The following MTFMT variants were observed in gnomAD, a reference collection of about 807,000 sequenced individuals.
MTFMT encodes mitochondrial methionyl-tRNA formyltransferase.
MTFMT carries 47 observed loss-of-function variants against 51.8 expected under a neutral mutation model. The observed-to-expected ratio is 0.91, with a 90% confidence interval of 0.72 to 1.16. The LOEUF (loss-of-function observed/expected upper bound fraction) is 1.16. Ranked by LOEUF, MTFMT falls within the 50% of genes most tolerant of loss-of-function variation. The probability of loss-of-function intolerance (pLI) is 0.00; values close to 1 mark genes in which losing one functional copy is unlikely to be tolerated. For missense variants in MTFMT, 512 were observed against 482.3 expected (o/e 1.06, Z -0.58); for synonymous variants, 196 against 176.7 (o/e 1.11, Z -0.87).
intron 6 of MTFMT, among the ~76,000 whole-genome samples, chr15:65,014,575 C>T (rs1341139488): frequency 6.6e-6 from 1 of 151,486 alleles, no homozygotes; most frequent in African/African-American, 2.4e-5. Flanking sequence ...ATCCGCCCGC[C>T]TCGGCCTCCC....
At chr15:65,003,845 CAAA>C (rs768884218) in intron 8 of MTFMT, among the ~76,000 whole-genome samples, 17 of 40,630 alleles carry the variant, frequency 4.2e-4, no homozygotes, top group Admixed American at 1.6e-3. Flanking sequence ...AACTCCATCT[CAAA>C]AAAAAAAAAA....
At position 65,003,101 on chromosome 15, in the gene MTFMT, C is replaced by T. The variant is rs1162206473; in HGVS notation, c.1131G>A (p.Lys377=). ...FQTLRLPTKK[K]QKKTVAMQQC... is the part of the protein sequence containing the mutation. ...GTTGCATAGCAACAGTTTTTTTCTG[C>T]TTCTTCTTTGTTGGAAGTCTGAGAG... Residue 377 remains lysine, a synonymous_variant, in exon 9 of 9, where the codon AAG becomes AAA. Transcript: ENST00000220058. The T allele has an allele frequency of 1.9e-6, 3 of 1,605,982 alleles. No individual in the cohort carries two copies. The highest frequency in any genetic ancestry group is 3.4e-5 in the Admixed American group (2 of 58,830).
chr15:65,015,056 T>G (rs568043898), intron 6 of MTFMT, among the ~76,000 whole-genome samples: 1 of 152,066 alleles, frequency 6.6e-6, no homozygotes, highest in South Asian at 2.1e-4. Flanking sequence ...AATGAATGAA[T>G]GAATAATAGC....
intron 8 of MTFMT, 51 bp downstream of exon 8, chr15:65,004,803 C>T: frequency 7.9e-7 from 1 of 1,270,464 alleles, no homozygotes. Flanking sequence ...ATGATACAGA[C>T]TATAACATAG....
intron 1 of MTFMT, 58 bp downstream of exon 1, chr15:65,029,347 C>T (rs997536688): frequency 5.9e-6 from 8 of 1,350,776 alleles, no homozygotes; most frequent in Middle Eastern, 2.7e-4. Context: ...GGGCCGGCCG[C>T]CCGGGCGCGG....
chr15:65,025,212 T>C (rs1595893017), intron 2 of MTFMT, among the ~76,000 whole-genome samples: 1 of 127,736 alleles, frequency 7.8e-6, no homozygotes, highest in Non-Finnish European at 1.6e-5. Flanking sequence ...TTGGGCCACA[T>C]AGCGAGATCC....
intron 6 of MTFMT, among the ~76,000 whole-genome samples, chr15:65,013,505 G>GT (rs1314442864): frequency 1.3e-5 from 2 of 151,906 alleles, no homozygotes; most frequent in African/African-American, 2.4e-5. Flanking sequence ...GTTTATTGAG[G>GT]TTTTTTTACA....
chr15:65,014,437 C>T (rs1463048020), intron 6 of MTFMT, among the ~76,000 whole-genome samples: 1 of 150,626 alleles, frequency 6.6e-6, no homozygotes, highest in Non-Finnish European at 1.5e-5. Context: ...AATTCTCCTG[C>T]CTCAGCCTCC....
intron 7 of MTFMT, among the ~76,000 whole-genome samples, chr15:65,005,419 G>C (rs559435472): frequency 3.9e-5 from 6 of 152,110 alleles, no homozygotes; most frequent in Admixed American, 2.6e-4. Context: ...GAATGGACTT[G>C]TGGCATGAAG....
intron 2 of MTFMT, 120 bp downstream of exon 2, chr15:65,026,710 TA>T: frequency 1.2e-6 from 1 of 842,268 alleles, no homozygotes; most frequent in Non-Finnish European, 1.8e-6. Flanking sequence ...AATAAAATGG[TA>T]AAAATAAAAA....
At chr15:65,005,780 T>C (rs2086215648) in intron 7 of MTFMT, among the ~76,000 whole-genome samples, 1 of 152,122 alleles carries the variant, frequency 6.6e-6, no homozygotes, top group South Asian at 2.1e-4. Flanking sequence ...AGCTAAATTT[T>C]TGTATTTAGT....
chr15:65,027,063 T>C (rs762752694), intron 1 of MTFMT, 23 bp from the exon 2 acceptor site: 2 of 1,578,046 alleles, frequency 1.3e-6, no homozygotes, highest in Non-Finnish European at 1.7e-6. Context: ...GGAAGAAAAA[T>C]GTGACAGTGT....
In MTFMT at chr15:65,026,996, G is replaced by A. The variant is rs1369482216; in HGVS notation, c.254C>T (p.Thr85Ile). The A allele has an allele frequency of 1.2e-6, 2 of 1,613,970 alleles. No homozygotes were observed. The highest frequency in any genetic ancestry group is 2.2e-5 in the South Asian group (2 of 91,078). ...EELIDKLEVV[T>I]MPSPSPKGLP... ...TCCTTTTGGTGATGGGGAAGGCATT[G>A]TGACCACCTCCAGTTTGTCGATTAA... Residue 85 changes from threonine (T) to isoleucine (I), a missense_variant, in exon 2 of 9, where the codon ACA becomes ATA. Coordinates refer to ENST00000220058, the MANE Select transcript of MTFMT (RefSeq NM_139242.4).
chr15:65,016,252 C>T (rs2086321296), intron 6 of MTFMT, 184 bp downstream of exon 6: 2 of 464,222 alleles, frequency 4.3e-6, no homozygotes, highest in Non-Finnish European at 7.8e-6. Flanking sequence ...TCTCTATAAA[C>T]ACTTTAAACA....
At position 65,007,577 on chromosome 15, in the gene MTFMT, G is replaced by T. The variant is rs543375261; in HGVS notation, c.814-1386C>A. ...CACATTTCTGGATAATAGTTTTGGGGTTTTTTGTTTTTAAAGTGGAATGCG... is the reference window on the plus strand; with the variant it reads ...CACATTTCTGGATAATAGTTTTGGGTTTTTTTGTTTTTAAAGTGGAATGCG... On this transcript the variant is annotated intron_variant, in intron 6 of 8. Coordinates refer to ENST00000220058, the MANE Select transcript of MTFMT (RefSeq NM_139242.4). Among the ~76,000 whole-genome samples the T allele has an allele frequency of 3.1e-4, 47 of 152,236 alleles. 1 individual carries two copies. In the East Asian group the frequency reaches 7.9e-3, roughly 26 times the overall value.
intron 1 of MTFMT, chr15:65,029,109 G>A (rs1412017947): frequency 4.3e-6 from 1 of 231,866 alleles, no homozygotes; most frequent in Non-Finnish European, 7.1e-6. Context: ...GACTGGCCCG[G>A]GGGATGCAGG....
chr15:65,005,708 A>G (rs2086215354), intron 7 of MTFMT, among the ~76,000 whole-genome samples: 1 of 151,520 alleles, frequency 6.6e-6, no homozygotes. Flanking sequence ...TCCCAGGTTC[A>G]AGTGACTCTC....
rs2086188650 is a variant in MTFMT, at chr15:65,002,991, A to G, written c.*71T>C. On this transcript the variant is annotated 3_prime_UTR_variant, in exon 9 of 9. Coordinates refer to ENST00000220058, the MANE Select transcript of MTFMT (RefSeq NM_139242.4). The stretch of plus-strand genomic sequence containing the variant: ...AAAAAAAAAAAAAAAAAAAGTCCAG[A>G]TAATTCCTTGTAAATAAGGTTTTTA... The G allele has an allele frequency of 2.5e-6, 2 of 814,660 alleles. No individual in the cohort carries two copies. The highest frequency in any genetic ancestry group is 3.3e-5 in the South Asian group (1 of 30,468). 50.5% of individuals were successfully genotyped at this position (814,660 alleles called of 1,614,324 possible).
rs1285309285 is a variant in MTFMT at position 65,002,940 on chromosome 15, G to C, written c.*122C>G. The C allele has an allele frequency of 3.1e-6, 2 of 639,972 alleles. No homozygotes were observed. The highest frequency in any genetic ancestry group is 6.5e-5 in the East Asian group (2 of 30,968). The allele number at this position is 639,972 out of a possible 1,614,324, so 39.6% of individuals were successfully genotyped here. A position where few individuals can be genotyped will look rare whatever the true frequency, so the allele number is the denominator to read the frequency against. On this transcript the variant is annotated 3_prime_UTR_variant, in exon 9 of 9. Coordinates refer to ENST00000220058, the MANE Select transcript of MTFMT (RefSeq NM_139242.4). ...ATAGTGCCACTGGATTCCAGCCTGG[G>C]TGACAGAGTGAGACTCTGTCTCAAA... is the stretch of plus-strand genomic sequence containing the variant.
Sources: gnomAD v4.1 joint callset for allele counts (sites outside exome capture counted in the v4.1 genomes callset) on GRCh38, gnomAD v4.1.1 for gene constraint, MANE v1.5 for transcripts, NCBI Gene and HGNC (gene_info 2026-07-23, HGNC 2026-07-21) for gene names.